PCSK5: variants seen among roughly 807,000 people sequenced by gnomAD.
PCSK5 encodes prohormone convertase 5.
A neutral mutation model predicts 233.2 loss-of-function variants in PCSK5; 129 were observed. That is an observed-to-expected ratio of 0.55 (90% CI 0.48 to 0.64). The LOEUF (loss-of-function observed/expected upper bound fraction) is 0.64. Among genes scored for constraint, PCSK5 ranks in the 30% least tolerant of loss-of-function variants. The pLI is 0.00. For synonymous variants in PCSK5, 825 were observed against 879.2 expected (o/e 0.94, Z 1.09); for missense variants, 2,076 against 2,430.1 (o/e 0.85, Z 3.06).
chr9:76,142,006 G>A (rs1005817403), intron 10 of PCSK5, among the ~76,000 whole-genome samples: 12 of 151,990 alleles, frequency 7.9e-5, no homozygotes, highest in African/African-American at 2.9e-4. Flanking sequence ...AGAAAGAGGA[G>A]CAGGAAAAAT....
chr9:76,244,854 T>C (rs573174335), intron 24 of PCSK5, among the ~76,000 whole-genome samples: 37 of 152,202 alleles, frequency 2.4e-4, no homozygotes, highest in Non-Finnish European at 4.1e-4. Flanking sequence ...TTCTCTTCTT[T>C]GTCAAGTTGT....
intron 1 of PCSK5, among the ~76,000 whole-genome samples, chr9:75,919,553 T>C (rs1446509758): frequency 6.6e-6 from 1 of 152,212 alleles, no homozygotes; most frequent in East Asian, 1.9e-4. Context: ...TTCCCAACAA[T>C]GTATGAGTGT....
In PCSK5 at chr9:76,239,140, A is replaced by G. The variant is rs1326720817; in HGVS notation, c.3048A>G (p.Thr1016=). 6.3e-6 allele frequency: 10 copies of G among 1,590,816 alleles called. No individual in the cohort carries two copies. Among genetic ancestry groups the G allele is most frequent in the South Asian group, 1.1e-5 (1 of 87,582 alleles). ...ACTTCATAGCGCCCACCAACCACACATGCCAGAAGTTAGAGTGTGGACAAG... is the reference window on the plus strand; with the variant it reads ...ACTTCATAGCGCCCACCAACCACACGTGCCAGAAGTTAGAGTGTGGACAAG... The part of the protein sequence containing the change: ...KGYFIAPTNH[T]CQKLECGQGE... Residue 1016 remains threonine (T), a synonymous_variant, in exon 23 of 38, where the codon ACA becomes ACG. Transcript: ENST00000674117.
Position 76,308,681 on chromosome 9 carries a change from GTAAA to G in PCSK5, c.3642_3645del (p.Cys1214Ter), listed in dbSNP as rs748814169. On this transcript the variant is annotated frameshift_variant, in exon 29 of 38. Transcript: ENST00000674117. LOFTEE classifies it high-confidence loss of function. ...AAACTCCAGCCTTGTCATTCTTCTTGTAAAACCTGCAATGGATCTGCAACTCTGT... is the reference window on the plus strand; with the variant it reads ...AAACTCCAGCCTTGTCATTCTTCTTGACCTGCAATGGATCTGCAACTCTGT... 76 of 1,610,664 alleles carry G rather than the reference GTAAA, an allele frequency of 4.7e-5. No homozygotes were observed. Among genetic ancestry groups the G allele is most frequent in the Non-Finnish European group, 6.3e-5 (74 of 1,178,104 alleles).
intron 7 of PCSK5, among the ~76,000 whole-genome samples, chr9:76,089,907 A>C (rs1041804305): frequency 6.6e-6 from 1 of 152,174 alleles, no homozygotes; most frequent in African/African-American, 2.4e-5. Flanking sequence ...AATAATGCTG[A>C]TAGGGTAATA....
At chr9:75,919,705 A>G (rs1823161920) in intron 1 of PCSK5, among the ~76,000 whole-genome samples, 1 of 152,190 alleles carries the variant, frequency 6.6e-6, no homozygotes, top group South Asian at 2.1e-4. Flanking sequence ...AACCTTAGGA[A>G]CTATAAAAAT....
At position 75,995,142 on chromosome 9, in the gene PCSK5, C is replaced by T. The variant is rs367652734; in HGVS notation, c.411+8897C>T. Among the ~76,000 whole-genome samples the T allele has an allele frequency of 2.6e-5, 4 of 152,330 alleles. No individual in the cohort carries two copies. In the East Asian group the frequency reaches 5.8e-4, roughly 22 times the overall value. On this transcript the variant is annotated intron_variant, in intron 3 of 37. Transcript: ENST00000674117. ...TTGAGATTCCCATAATCTTGAGTAGCCAGGTCCCCCACTCCATTTGCTATA... is the reference window on the plus strand; with the variant it reads ...TTGAGATTCCCATAATCTTGAGTAGTCAGGTCCCCCACTCCATTTGCTATA...
At chr9:76,003,915 C>T (rs1484284920) in intron 3 of PCSK5, among the ~76,000 whole-genome samples, 2 of 152,100 alleles carry the variant, frequency 1.3e-5, no homozygotes, top group Non-Finnish European at 2.9e-5. Context: ...CTCAGGCAGT[C>T]CTCCGGAATA....
intron 22 of PCSK5, among the ~76,000 whole-genome samples, chr9:76,238,200 T>C (rs1022399920): frequency 1.3e-5 from 2 of 152,206 alleles, no homozygotes; most frequent in Non-Finnish European, 2.9e-5. Context: ...AGTCATCTTA[T>C]TGTTGTTTTT....
intron 34 of PCSK5, among the ~76,000 whole-genome samples, chr9:76,336,272 G>A (rs1829675782): frequency 6.6e-6 from 1 of 151,878 alleles, no homozygotes; most frequent in African/African-American, 2.4e-5. Context: ...ACCTAGGCAT[G>A]GTGTGAGTTT....
intron 3 of PCSK5, among the ~76,000 whole-genome samples, chr9:75,987,443 C>G (rs1376199102): frequency 6.6e-6 from 1 of 152,190 alleles, no homozygotes; most frequent in Non-Finnish European, 1.5e-5. Flanking sequence ...TGAGGGCAAG[C>G]TCTGCATCTT....
chr9:76,263,362 A>C, intron 24 of PCSK5, among the ~76,000 whole-genome samples: 1 of 152,242 alleles, frequency 6.6e-6, no homozygotes, highest in Non-Finnish European at 1.5e-5. Context: ...ACAATAGCAA[A>C]GACTTGGAAC....
chr9:76,261,485 A>C (rs531475642), intron 24 of PCSK5, among the ~76,000 whole-genome samples: 1 of 152,308 alleles, frequency 6.6e-6, no homozygotes, highest in Non-Finnish European at 1.5e-5. Context: ...ATAATGTTCA[A>C]GCTGAGGGCC....
intron 9 of PCSK5, among the ~76,000 whole-genome samples, chr9:76,129,899 T>G (rs1040352428): frequency 6.6e-6 from 1 of 152,068 alleles, no homozygotes; most frequent in Admixed American, 6.6e-5. Context: ...TGTCATTAAT[T>G]ATGCTGTTTT....
intron 1 of PCSK5, among the ~76,000 whole-genome samples, chr9:75,928,302 C>T (rs1342587423): frequency 6.6e-6 from 1 of 151,780 alleles, no homozygotes; most frequent in African/African-American, 2.4e-5. Flanking sequence ...ATATATTGTT[C>T]CTTGTTTCAG....
intron 20 of PCSK5, among the ~76,000 whole-genome samples, chr9:76,198,857 G>GTC (rs1374178451): frequency 2.0e-5 from 3 of 152,152 alleles, no homozygotes; most frequent in African/African-American, 7.2e-5. Context: ...ATAAAATATT[G>GTC]TCAGGAGTCA....
chr9:75,891,467 G>A (rs1825592010), intron 1 of PCSK5, 94 bp downstream of exon 1: 2 of 1,050,940 alleles, frequency 1.9e-6, no homozygotes, highest in East Asian at 5.7e-5. Flanking sequence ...TCTTCCAGAT[G>A]TGCTCTAGCA....
chr9:75,892,486 G>A (rs1825653853), intron 1 of PCSK5, among the ~76,000 whole-genome samples: 1 of 152,246 alleles, frequency 6.6e-6, no homozygotes, highest in African/African-American at 2.4e-5. Flanking sequence ...TGGAATGGGA[G>A]GTGAGGATGA....
chr9:76,110,173 C>G (rs1466716176), intron 9 of PCSK5, among the ~76,000 whole-genome samples: 1 of 152,182 alleles, frequency 6.6e-6, no homozygotes, highest in South Asian at 2.1e-4. Context: ...GAGAAAGCCA[C>G]AGCTCTAGGC....
Sources: gnomAD v4.1 joint callset for allele counts (sites outside exome capture counted in the v4.1 genomes callset) on GRCh38, gnomAD v4.1.1 for gene constraint, MANE v1.5 for transcripts, NCBI Gene and HGNC (gene_info 2026-07-23, HGNC 2026-07-21) for gene names.